The following DARS2 variants were observed in gnomAD, a reference collection of about 807,000 sequenced individuals.
The protein encoded by DARS2 is aspartate--tRNA ligase, mitochondrial.
DARS2 carries 63 observed loss-of-function variants against 83.0 expected under a neutral mutation model. The observed-to-expected ratio is 0.76, with a 90% CI of 0.62 to 0.94. The LOEUF (loss-of-function observed/expected upper bound fraction) is 0.94, where lower values mean the gene tolerates loss of function less well. Among genes scored for constraint, DARS2 ranks in the 40% least tolerant of loss-of-function variants. DARS2 has a pLI of 0.00. For synonymous variants in DARS2, 250 were observed against 269.3 expected (o/e 0.93, Z 0.70); for missense variants, 675 against 774.4 (o/e 0.87, Z 1.52).
Position 173,829,204 on chromosome 1 carries a change from AGTGT to A in DARS2, c.294+828_294+831del, listed in dbSNP as rs10653648. The stretch of plus-strand genomic sequence containing the variant: ...GGGGAAGGATGCAGAATATACATTC[AGTGT>A]GTGTGTGTGTGTGTGTGTGTGTATT... On this transcript the variant is annotated intron_variant, in intron 3 of 16. Coordinates refer to ENST00000649689, the MANE Select transcript of DARS2 (RefSeq NM_018122.5). Among the ~76,000 whole-genome samples, 30 of 148,442 alleles carry A rather than the reference AGTGT, an allele frequency of 2.0e-4. 1 individual carries two copies. The highest frequency in any genetic ancestry group is 5.2e-4 in the African/African-American group (21 of 40,642).
chr1:173,845,381 A>C lies in DARS2; in HGVS notation c.1191+90A>C, dbSNP rs1653395027. 7 of 801,440 alleles carry C rather than the reference A, an allele frequency of 8.7e-6. No homozygotes were observed. The South Asian group carries it at 1.1e-4, about 13-fold the overall frequency. The allele number at this position is 801,440 out of a possible 1,614,324, so 49.6% of individuals were successfully genotyped here. A position where few individuals can be genotyped will look rare whatever the true frequency, so the allele number is the denominator to read the frequency against. On this transcript the variant is annotated intron_variant, in intron 12 of 16. Transcript: ENST00000649689. ...TAAACTATCATTATCATTAGTTTTGAGCATCTTGTTATTTCAGATCATTCT... is the reference window on the plus strand; with the variant it reads ...TAAACTATCATTATCATTAGTTTTGCGCATCTTGTTATTTCAGATCATTCT...
rs764481820 is a variant in DARS2, at chr1:173,850,351, G to A, written c.1216G>A (p.Ala406Thr). Residue 406 changes from alanine to threonine, a missense_variant, in exon 13 of 17, where the codon GCC (alanine) becomes ACC (threonine). Transcript: ENST00000649689. ...GGAAATCTTACCTGTATTCCTTAAC[G>A]CCAATAGAAACTGGAATTCTCCAGT... ...NQEILPVFLNANRNWNSPVAN... is the reference protein window; with the variant it reads ...NQEILPVFLNTNRNWNSPVAN... 1.2e-5 allele frequency: 20 copies of A among 1,610,444 alleles called. No individual in the cohort carries two copies. The highest frequency in any genetic ancestry group is 4.4e-5 in the South Asian group (4 of 90,958).
chr1:173,829,664 T>C (rs1385087470), intron 3 of DARS2, among the ~76,000 whole-genome samples: 1 of 151,520 alleles, frequency 6.6e-6, no homozygotes, highest in African/African-American at 2.4e-5. Flanking sequence ...ATCCCAGCAC[T>C]TTTGGGAGGC....
At chr1:173,857,452 A>G in intron 16 of DARS2, 66 bp from the exon 17 acceptor site, 1 of 1,530,334 alleles carries the variant, frequency 6.5e-7, no homozygotes, top group Non-Finnish European at 9.0e-7. Context: ...ACTTTTATAG[A>G]AAAACTAAGT....
chr1:173,828,494 T>C (rs932892092), intron 3 of DARS2, 95 bp downstream of exon 3: 4 of 1,176,724 alleles, frequency 3.4e-6, no homozygotes, highest in Non-Finnish European at 5.0e-6. Flanking sequence ...AGGTTTTAAA[T>C]TCAGAAGTTT....
Sources: allele counts gnomAD v4.1 joint callset (sites outside exome capture counted in the v4.1 genomes callset), GRCh38; gene constraint gnomAD v4.1.1; transcripts MANE v1.5; gene names NCBI Gene and HGNC (gene_info 2026-07-23, HGNC 2026-07-21).